Variants in EXT1 observed in about 807,000 individuals in gnomAD.
EXT1 encodes the protein exostosin-1.
EXT1 carries 20 observed loss-of-function variants against 82.5 expected under a neutral mutation model. The observed-to-expected ratio is 0.24, with a 90% CI of 0.17 to 0.35. EXT1 has a LOEUF of 0.35. Among genes scored for constraint, EXT1 ranks in the 10% least tolerant of loss-of-function variants. The pLI is 1.00. For synonymous variants in EXT1, 348 were observed against 350.8 expected (o/e 0.99, Z 0.09); for missense variants, 757 against 936.5 (o/e 0.81, Z 2.50).
intron 1 of EXT1, among the ~76,000 whole-genome samples, chr8:117,987,045 T>C (rs1202819769): frequency 6.6e-6 from 1 of 152,206 alleles, no homozygotes; most frequent in Non-Finnish European, 1.5e-5. Context: ...GGTAGAAACC[T>C]CTTCCCACTC....
chr8:117,920,614 AG>A (rs1359380136), intron 1 of EXT1, among the ~76,000 whole-genome samples: 2 of 152,164 alleles, frequency 1.3e-5, no homozygotes, highest in Non-Finnish European at 2.9e-5. Flanking sequence ...CTTTCTTACT[AG>A]TTATTGCAAT....
At chr8:117,821,739 T>C (rs1811927704) in intron 5 of EXT1, among the ~76,000 whole-genome samples, 1 of 152,210 alleles carries the variant, frequency 6.6e-6, no homozygotes, top group Non-Finnish European at 1.5e-5. Flanking sequence ...GATGCTTTCC[T>C]GTCCTAGGCT....
rs144037946 is a variant in EXT1, at chr8:118,091,504, C to T, written c.962+18581G>A. Among the ~76,000 whole-genome samples, 457 of 152,024 alleles carry T rather than the reference C, an allele frequency of 3.0e-3. 2 individuals carry two copies. The highest frequency in any genetic ancestry group is 0.01 in the African/African-American group (435 of 41,460). ...CTGTAATCCCAGCACTTTGGGAGGC[C>T]GAGGCGGGCGGATCACGAGGTCAGG... On this transcript the variant is annotated intron_variant, in intron 1 of 10. Transcript: ENST00000378204.
chr8:117,995,220 C>T (rs1815512225), intron 1 of EXT1, among the ~76,000 whole-genome samples: 1 of 152,140 alleles, frequency 6.6e-6, no homozygotes, highest in Non-Finnish European at 1.5e-5. Context: ...CAGATTCTAA[C>T]CCACTCTAGC....
intron 1 of EXT1, among the ~76,000 whole-genome samples, chr8:117,989,162 T>G (rs1815383573): frequency 6.6e-6 from 1 of 151,842 alleles, no homozygotes; most frequent in African/African-American, 2.4e-5. Context: ...AGAAGTTAAG[T>G]AACATACCTA....
intron 1 of EXT1, among the ~76,000 whole-genome samples, chr8:118,013,300 C>T (rs114138751): frequency 2.2e-4 from 34 of 152,236 alleles, no homozygotes; most frequent in African/African-American, 8.2e-4. Flanking sequence ...TCTTCATTTT[C>T]TAGGTTTGAG....
intron 7 of EXT1, among the ~76,000 whole-genome samples, chr8:117,817,732 G>T (rs550941519): frequency 6.6e-6 from 1 of 152,284 alleles, no homozygotes; most frequent in South Asian, 2.1e-4. Flanking sequence ...AAATGTAGTA[G>T]GGGGCAGGGT....
At chr8:117,933,286 G>A (rs548345832) in intron 1 of EXT1, among the ~76,000 whole-genome samples, 10 of 141,012 alleles carry the variant, frequency 7.1e-5, no homozygotes, top group African/African-American at 1.3e-4. Flanking sequence ...TTGCTCTGTC[G>A]CCCAGGCTGG....
At chr8:117,860,266 T>C (rs1812657991) in intron 1 of EXT1, among the ~76,000 whole-genome samples, 1 of 151,098 alleles carries the variant, frequency 6.6e-6, no homozygotes, top group Non-Finnish European at 1.5e-5. Context: ...AGCCAAAAAC[T>C]GCATGTTCTC....
In EXT1 at chr8:117,843,396, T is replaced by C. The variant is rs1005677449; in HGVS notation, c.963-6195A>G. The stretch of plus-strand genomic sequence containing the variant: ...AGAGAAGAGAAGCAATGGCCACATG[T>C]AGGCAGGGAGGCCTCCTGGAGGAAG... On this transcript the variant is annotated intron_variant, in intron 1 of 10. Transcript: ENST00000378204. Among the ~76,000 whole-genome samples the C allele has an allele frequency of 4.6e-5, 7 of 152,138 alleles. No homozygotes were observed. In the East Asian group the frequency reaches 5.8e-4, roughly 13 times the overall value.
rs17505185 is a variant in EXT1, at chr8:118,010,147, C to T, written c.962+99938G>A. On this transcript the variant is annotated intron_variant, in intron 1 of 10. Coordinates refer to ENST00000378204, the MANE Select transcript of EXT1 (RefSeq NM_000127.3). ...TCACACTTTGGGAGGCAGAGGCGGG[C>T]GGATCACGAGGTCAGGAGCTCGAGA... Among the ~76,000 whole-genome samples, 519 of 151,886 alleles carry T rather than the reference C, an allele frequency of 3.4e-3. 4 individuals are homozygous for T. Among genetic ancestry groups the T allele is most frequent in the African/African-American group, 0.012 (482 of 41,458 alleles).
chr8:117,899,882 G>A (rs1035625581), intron 1 of EXT1, among the ~76,000 whole-genome samples: 1 of 152,280 alleles, frequency 6.6e-6, no homozygotes, highest in African/African-American at 2.4e-5. Context: ...ATATCTTACC[G>A]TGTGCTCATA....
Position 118,095,530 on chromosome 8 carries a change from C to G in EXT1, c.962+14555G>C, listed in dbSNP as rs562048399. Among the ~76,000 whole-genome samples, 3 of 152,246 alleles carry G rather than the reference C, an allele frequency of 2.0e-5. No homozygotes were observed. The South Asian group carries it at 6.2e-4, about 32-fold the overall frequency. Reference sequence around the variant, plus strand: ...TTGCTTAAAGGTAGCTTTTTCAATGCAGGTGTGAATTTTAAAGACACATGT... The same window carrying G: ...TTGCTTAAAGGTAGCTTTTTCAATGGAGGTGTGAATTTTAAAGACACATGT... On this transcript the variant is annotated intron_variant, in intron 1 of 10. Transcript: ENST00000378204.
At chr8:118,014,721 G>A (rs559830622) in intron 1 of EXT1, among the ~76,000 whole-genome samples, 5 of 152,162 alleles carry the variant, frequency 3.3e-5, no homozygotes, top group South Asian at 2.1e-4. Context: ...TTATAGGTAG[G>A]AGCCACCATG....
intron 1 of EXT1, among the ~76,000 whole-genome samples, chr8:117,846,621 T>C (rs1587008391): frequency 6.6e-6 from 1 of 152,066 alleles, no homozygotes; most frequent in Non-Finnish European, 1.5e-5. Flanking sequence ...TGAACTCAGA[T>C]GGATAAATGG....
At chr8:117,983,291 C>A (rs1937235203) in intron 1 of EXT1, among the ~76,000 whole-genome samples, 1 of 152,030 alleles carries the variant, frequency 6.6e-6, no homozygotes, top group African/African-American at 2.4e-5. Flanking sequence ...TGAGACCAGC[C>A]TGGGCAACGT....
At chr8:118,010,371 CAAAAA>C (rs56865464) in intron 1 of EXT1, among the ~76,000 whole-genome samples, 3 of 56,006 alleles carry the variant, frequency 5.4e-5, no homozygotes, top group African/African-American at 1.1e-4. Context: ...GACTCCGTCT[CAAAAA>C]AAAAAAAAAA....
At chr8:118,002,155 C>T (rs948064892) in intron 1 of EXT1, among the ~76,000 whole-genome samples, 1 of 151,752 alleles carries the variant, frequency 6.6e-6, no homozygotes, top group Non-Finnish European at 1.5e-5. Context: ...GGAAATATTT[C>T]CAAATAAATT....
intron 1 of EXT1, among the ~76,000 whole-genome samples, chr8:117,956,571 T>C (rs1020236332): frequency 2.0e-5 from 3 of 152,076 alleles, no homozygotes; most frequent in Non-Finnish European, 2.9e-5. Context: ...GCCTCCCAAA[T>C]AGCTGGGACT....
Sources: gnomAD v4.1 joint callset for allele counts (sites outside exome capture counted in the v4.1 genomes callset) on GRCh38, gnomAD v4.1.1 for gene constraint, MANE v1.5 for transcripts, NCBI Gene and HGNC (gene_info 2026-07-23, HGNC 2026-07-21) for gene names.